The following TFEC variants were observed in gnomAD, a reference collection of about 807,000 sequenced individuals.
The protein encoded by TFEC is transcription factor EC.
In TFEC, 31 loss-of-function variants were observed where a neutral mutation model predicts 41.6. The observed-to-expected ratio is 0.74, with a 90% confidence interval of 0.56 to 1.01. The LOEUF (loss-of-function observed/expected upper bound fraction) is 1.01, where lower values mean the gene tolerates loss of function less well. Among genes scored for constraint, TFEC ranks in the 50% least tolerant of loss-of-function variants. The probability of loss-of-function intolerance (pLI) is 0.00; values close to 1 mark genes in which losing one functional copy is unlikely to be tolerated. For synonymous variants in TFEC, 143 were observed against 140.6 expected (o/e 1.02, Z -0.12); for missense variants, 402 against 404.1 (o/e 0.99, Z 0.04).
chr7:115,968,389 T>C, intron 3 of TFEC: 1 of 1,224,946 alleles, frequency 8.2e-7, no homozygotes, highest in Admixed American at 3.1e-5. Context: ...CTCACTGATG[T>C]TATGCAGTCC....
intron 3 of TFEC, among the ~76,000 whole-genome samples, chr7:116,055,560 G>C (rs1796409920): frequency 6.6e-6 from 1 of 151,658 alleles, no homozygotes; most frequent in Admixed American, 6.6e-5. Context: ...AAATGATATA[G>C]GAAATATACA....
chr7:116,155,576 A>AG (rs1562989687), intron 1 of TFEC, among the ~76,000 whole-genome samples: 1 of 152,120 alleles, frequency 6.6e-6, no homozygotes, highest in East Asian at 1.9e-4. Context: ...CCAGGAAAAA[A>AG]AAAGAAAGAA....
chr7:116,061,357 T>C (rs972658907), intron 3 of TFEC, among the ~76,000 whole-genome samples: 2 of 152,148 alleles, frequency 1.3e-5, no homozygotes, highest in African/African-American at 2.4e-5. Context: ...CAATTCAGCA[T>C]AAAAGGGTAG....
rs187161928 is a variant in TFEC, at chr7:116,134,625, T to C, written c.-68-22587A>G. Among the ~76,000 whole-genome samples the C allele has an allele frequency of 2.1e-4, 32 of 152,312 alleles. No individual in the cohort carries two copies. The East Asian group carries it at 3.9e-3, about 18-fold the overall frequency. On this transcript the variant is annotated intron_variant, in intron 1 of 8. Coordinates refer to the TFEC transcript ENST00000484212. ...AAGGAAAAAATTACATGAAAACAGGTTAATAAGACTGTGAGCATTGCTATA... is the reference window on the plus strand; with the variant it reads ...AAGGAAAAAATTACATGAAAACAGGCTAATAAGACTGTGAGCATTGCTATA...
chr7:116,006,552 T>A (rs1054044757), intron 1 of TFEC, among the ~76,000 whole-genome samples: 14 of 152,366 alleles, frequency 9.2e-5, no homozygotes, highest in Non-Finnish European at 1.8e-4. Context: ...ACCCTCACTG[T>A]ATCTAGGAAG....
At chr7:115,955,039 T>C (rs1792150143) in intron 4 of TFEC, among the ~76,000 whole-genome samples, 1 of 152,066 alleles carries the variant, frequency 6.6e-6, no homozygotes, top group Non-Finnish European at 1.5e-5. Context: ...AATTTTGAGA[T>C]TCAGAAATTA....
intron 3 of TFEC, among the ~76,000 whole-genome samples, chr7:115,972,476 C>T (rs1306146350): frequency 1.3e-5 from 2 of 152,128 alleles, no homozygotes; most frequent in Non-Finnish European, 2.9e-5. Context: ...CGCCCTCTCT[C>T]AGGTACAACT....
In TFEC at chr7:115,975,962, TG is replaced by T. The variant is rs1793360179; in HGVS notation, c.181-1707del. ...GACATCACAGAATCCTCAAGGCCAG[TG>T]GTATCCAGTAGAAATTTCTGCAATG... is the stretch of plus-strand genomic sequence containing the variant. On this transcript the variant is annotated intron_variant, in intron 2 of 7. Coordinates refer to ENST00000265440, the MANE Select transcript of TFEC (RefSeq NM_012252.4). 3.3e-5 allele frequency among the ~76,000 whole-genome samples: 5 copies of T among 152,226 alleles called. No homozygotes were observed. The South Asian group carries it at 1.0e-3, about 32-fold the overall frequency.
At chr7:115,988,034 C>T (rs533653789) in intron 1 of TFEC, among the ~76,000 whole-genome samples, 1 of 152,038 alleles carries the variant, frequency 6.6e-6, no homozygotes, top group South Asian at 2.1e-4. Flanking sequence ...AATTATGTTT[C>T]AATATTATCC....
At chr7:116,065,490 A>G (rs1796674036) in intron 3 of TFEC, among the ~76,000 whole-genome samples, 2 of 152,236 alleles carry the variant, frequency 1.3e-5, no homozygotes, top group Admixed American at 1.3e-4. Context: ...GCATTATGGG[A>G]GTGAGTGGAG....
chr7:116,005,820 GA>G (rs949140533), intron 1 of TFEC, among the ~76,000 whole-genome samples: 1 of 152,092 alleles, frequency 6.6e-6, no homozygotes, highest in Non-Finnish European at 1.5e-5. Context: ...GGTTTCTGAG[GA>G]AAAAATGGTT....
At chr7:116,108,183 G>T (rs1797763938) in intron 3 of TFEC, among the ~76,000 whole-genome samples, 1 of 152,074 alleles carries the variant, frequency 6.6e-6, no homozygotes, top group South Asian at 2.1e-4. Context: ...AAGACGCAAA[G>T]GTATTTTAAA....
chr7:115,954,014 T>G (rs537077612), intron 5 of TFEC, among the ~76,000 whole-genome samples: 2 of 152,178 alleles, frequency 1.3e-5, no homozygotes, highest in African/African-American at 4.8e-5. Flanking sequence ...CCAAGCATTC[T>G]AAAGCTCAGC....
chr7:116,069,382 T>C (rs768636299), intron 3 of TFEC, among the ~76,000 whole-genome samples: 1 of 151,686 alleles, frequency 6.6e-6, no homozygotes, highest in Admixed American at 6.6e-5. Flanking sequence ...TGACTCAATA[T>C]GAAATAAAGA....
At chr7:115,962,447 G>A (rs1792605596) in intron 3 of TFEC, among the ~76,000 whole-genome samples, 1 of 151,766 alleles carries the variant, frequency 6.6e-6, no homozygotes, top group African/African-American at 2.4e-5. Flanking sequence ...TTATTACAAA[G>A]CTGCAGTTAT....
chr7:116,114,654 G>C lies in TFEC; in HGVS notation c.-68-2616C>G, dbSNP rs76822885. Among the ~76,000 whole-genome samples, 1,241 of 151,996 alleles carry C rather than the reference G, an allele frequency of 8.2e-3. 20 individuals carry two copies. Among genetic ancestry groups the C allele is most frequent in the African/African-American group, 0.028 (1,162 of 41,500 alleles). ...AGAGACGTAGGTCCCCACGGCATGC[G>C]AATCTGAGGAAGAAGATCTCTTGGT... On this transcript the variant is annotated intron_variant, in intron 1 of 8. Transcript: ENST00000484212.
chr7:115,941,654 C>CATATATGTGTATATACATATATACAT (rs937793661), intron 7 of TFEC: 33 of 505,948 alleles, frequency 6.5e-5, no homozygotes, highest in East Asian at 3.3e-4. Context: ...CATATATACA[C>CATATATGTGTATATACATATATACAT]ATATATGTGT....
At chr7:115,981,443 G>C (rs536119508) in intron 2 of TFEC, among the ~76,000 whole-genome samples, 24 of 152,162 alleles carry the variant, frequency 1.6e-4, no homozygotes, top group Admixed American at 5.2e-4. Context: ...ATAACAGCAA[G>C]TAGAGAAATA....
At chr7:116,106,149 T>A (rs1797712090) in intron 3 of TFEC, among the ~76,000 whole-genome samples, 1 of 152,254 alleles carries the variant, frequency 6.6e-6, no homozygotes, top group South Asian at 2.1e-4. Flanking sequence ...TTCCTATTGA[T>A]TAAAGAATAT....
Sources: gnomAD v4.1 joint callset for allele counts (sites outside exome capture counted in the v4.1 genomes callset) on GRCh38, gnomAD v4.1.1 for gene constraint, MANE v1.5 for transcripts, NCBI Gene and HGNC (gene_info 2026-07-23, HGNC 2026-07-21) for gene names.